Variants in USP28 observed in about 807,000 individuals in gnomAD.
USP28 encodes the protein ubiquitin specific peptidase 28.
A neutral mutation model predicts 145.0 loss-of-function variants in USP28; 113 were observed. The observed-to-expected ratio is 0.78, with a 90% confidence interval of 0.67 to 0.91. The LOEUF (loss-of-function observed/expected upper bound fraction) is 0.91. Among genes scored for constraint, USP28 ranks in the 40% least tolerant of loss-of-function variants. USP28 has a pLI of 0.00. For missense variants in USP28, 1,201 were observed against 1,289.6 expected (o/e 0.93, Z 1.05); for synonymous variants, 447 against 450.9 (o/e 0.99, Z 0.11).
chr11:113,840,750 C>T lies in USP28; in HGVS notation c.382G>A (p.Glu128Lys), dbSNP rs370922114. Residue 128 changes from glutamate (E) to lysine (K), a missense_variant, in exon 5 of 25, where the codon GAA (glutamate) becomes AAA (lysine). Physicochemically the swap from Glu to Lys is moderately conservative, Grantham distance 56. Coordinates refer to ENST00000003302, the Ensembl canonical transcript of USP28. ...CGTTTAGTTTCTGCAGAGGTTGCTT[C>T]ATGCATCCTATATTGTGCAGCGTGC... The T allele has an allele frequency of 5.0e-6, 8 of 1,613,944 alleles. No homozygotes were observed. The African/African-American group carries it at 1.1e-4, about 22-fold the overall frequency.
At chr11:113,851,610 C>A (rs565090866) in intron 3 of USP28, among the ~76,000 whole-genome samples, 8 of 152,262 alleles carry the variant, frequency 5.3e-5, no homozygotes, top group African/African-American at 1.9e-4. Flanking sequence ...AGCTGGCCAA[C>A]ATGGTAAAAC....
chr11:113,810,183 G>A (rs1232832869), intron 16 of USP28, among the ~76,000 whole-genome samples: 2 of 152,082 alleles, frequency 1.3e-5, no homozygotes, highest in African/African-American at 2.4e-5. Flanking sequence ...TGCATTTGGC[G>A]GATAAGAATG....
chr11:113,875,536 CG>C, exon 1 of USP28: 1 of 1,137,462 alleles, frequency 8.8e-7, no homozygotes, highest in South Asian at 4.1e-5. Flanking sequence ...ACCGGTCTCC[CG>C]CCGCAGCCGC....
chr11:113,866,897 TC>T (rs1948307064), intron 1 of USP28, among the ~76,000 whole-genome samples: 1 of 152,174 alleles, frequency 6.6e-6, no homozygotes, highest in Non-Finnish European at 1.5e-5. Flanking sequence ...AACTCAAATG[TC>T]CGTCAATGGA....
chr11:113,875,542 AGCC>A, exon 1 of USP28: 4 of 1,134,272 alleles, frequency 3.5e-6, no homozygotes, highest in Non-Finnish European at 3.2e-6. Flanking sequence ...CTCCCGCCGC[AGCC>A]GCCGCCGGCC....
At chr11:113,798,628 G>GT (rs1240995755) in exon 25 of USP28, 1 of 152,516 alleles carries the variant, frequency 6.6e-6, no homozygotes, top group Non-Finnish European at 1.5e-5. Context: ...TGAGTATGAG[G>GT]TTTTCTGGTT....
At chr11:113,875,275 C>G (rs967340404) in intron 1 of USP28, among the ~76,000 whole-genome samples, 170 bp downstream of exon 1, 2 of 152,066 alleles carry the variant, frequency 1.3e-5, no homozygotes, top group South Asian at 4.1e-4. Context: ...CTCCGCGGCC[C>G]GAGCCCCGCA....
At chr11:113,869,286 A>AGCTG (rs1385074137) in intron 1 of USP28, among the ~76,000 whole-genome samples, 11 of 152,180 alleles carry the variant, frequency 7.2e-5, no homozygotes, top group African/African-American at 2.7e-4. Context: ...TACAAAAATT[A>AGCTG]GGCGTGGTGG....
intron 3 of USP28, among the ~76,000 whole-genome samples, chr11:113,849,609 T>C (rs1162429205): frequency 1.3e-5 from 2 of 152,140 alleles, no homozygotes; most frequent in African/African-American, 4.8e-5. Flanking sequence ...AAGTAGGACA[T>C]GTCGATGCCA....
At chr11:113,817,790 A>G (rs949586363) in exon 13 of USP28, 1 of 1,614,078 alleles carries the variant, frequency 6.2e-7, no homozygotes, top group African/African-American at 1.3e-5. Context: ...ATATTTCAGC[A>G]TGTCCGGGAG....
Position 113,875,462 on chromosome 11 carries a change from C to T in USP28, c.40G>A (p.Ala14Thr), listed in dbSNP as rs975521685. 35 of 1,237,594 alleles carry T rather than the reference C, an allele frequency of 2.8e-5. No individual in the cohort carries two copies. Among genetic ancestry groups the T allele is most frequent in the Non-Finnish European group, 3.5e-5 (35 of 985,926 alleles). 76.7% of individuals were successfully genotyped at this position (1,237,594 alleles called of 1,614,324 possible). A position where few individuals can be genotyped will look rare whatever the true frequency, so the allele number is the denominator to read the frequency against. ...GAGCCCACCGAGCCGTGGCCGTCTG[C>T]CGCGCCGGCCGCGTCGTCCTGCTGC... The change falls in exon 1 of 25, where the codon GCA (alanine) becomes ACA (threonine). Residue 14 changes from alanine to threonine, a missense_variant. Physicochemically the swap from Ala to Thr is moderately conservative, Grantham distance 58. Coordinates refer to ENST00000003302, the Ensembl canonical transcript of USP28.
chr11:113,863,090 A>C (rs112780474), intron 1 of USP28, among the ~76,000 whole-genome samples: 2 of 152,310 alleles, frequency 1.3e-5, no homozygotes, highest in African/African-American at 4.8e-5. Flanking sequence ...TAAAGTATAA[A>C]AAAGTAAAAC....
chr11:113,821,091 TGGGATGAAAGTACTG>T lies in USP28; in HGVS notation c.1283+2499_1283+2513del, dbSNP rs979398388. 2.6e-4 allele frequency: 63 copies of T among 243,998 alleles called. No homozygotes were observed. In the Middle Eastern group the frequency reaches 3.3e-3, roughly 13 times the overall value. 15.1% of individuals were successfully genotyped at this position (243,998 alleles called of 1,614,324 possible). On this transcript the variant is annotated intron_variant, in intron 12 of 24. Transcript: ENST00000003302. ...TGGGAGTTGTCACTGGTGAGGGACT[TGGGATGAAAGTACTG>T]GGGCTTTGAAGTCATTGTGGATGGC...
chr11:113,810,034 C>CAAA (rs368686301), intron 16 of USP28, among the ~76,000 whole-genome samples: 224 of 68,766 alleles, frequency 3.3e-3, no homozygotes, highest in East Asian at 3.9e-3. Context: ...GACTCCATCT[C>CAAA]AAAAAAAAAA....
At chr11:113,813,708 G>T in intron 15 of USP28, 177 bp downstream of exon 15, 2 of 626,094 alleles carry the variant, frequency 3.2e-6, no homozygotes, top group Non-Finnish European at 5.5e-6. Context: ...TTGGTAAAAG[G>T]TATATTGCTT....
intron 10 of USP28, among the ~76,000 whole-genome samples, chr11:113,827,972 G>A (rs777546639): frequency 1.1e-4 from 16 of 152,184 alleles, no homozygotes; most frequent in Non-Finnish European, 1.9e-4. Flanking sequence ...AAAGAAGCCA[G>A]TCAAATCAAC....
intron 1 of USP28, among the ~76,000 whole-genome samples, chr11:113,872,414 G>A (rs1948912320): frequency 6.6e-6 from 1 of 151,988 alleles, no homozygotes; most frequent in Non-Finnish European, 1.5e-5. Flanking sequence ...ATGAACCCGG[G>A]GGGCGGAGCT....
rs147299583 is a variant in USP28 at position 113,837,302 on chromosome 11, A to T, written c.535-2967T>A. Among the ~76,000 whole-genome samples, 534 of 152,332 alleles carry T rather than the reference A, an allele frequency of 3.5e-3. 2 individuals carry two copies. The highest frequency in any genetic ancestry group is 4.8e-3 in the Non-Finnish European group (325 of 68,026). The stretch of plus-strand genomic sequence containing the variant: ...GGGCCTAGAACACTGCTAGACATAG[A>T]GCAGGTGTTCAATTGTTTGCTGAGG... On this transcript the variant is annotated intron_variant, in intron 5 of 24. Coordinates refer to ENST00000003302, the Ensembl canonical transcript of USP28.
At chr11:113,816,938 T>C (rs1941830181) in intron 13 of USP28, among the ~76,000 whole-genome samples, 1 of 152,194 alleles carries the variant, frequency 6.6e-6, no homozygotes, top group Admixed American at 6.5e-5. Flanking sequence ...AGCATTTCTA[T>C]GCATACATGG....
Sources: gnomAD v4.1 joint callset for allele counts (sites outside exome capture counted in the v4.1 genomes callset) on GRCh38, gnomAD v4.1.1 for gene constraint, MANE v1.5 for transcripts, NCBI Gene and HGNC (gene_info 2026-07-23, HGNC 2026-07-21) for gene names.